Variants in ZNF724 observed in about 807,000 individuals in gnomAD.
The protein encoded by ZNF724 is zinc finger protein 724.
In ZNF724, 14 loss-of-function variants were observed where a neutral mutation model predicts 29.3. That is an observed-to-expected ratio of 0.48 (90% CI 0.32 to 0.75). The LOEUF is 0.75. Among genes scored for constraint, ZNF724 ranks in the 30% least tolerant of loss-of-function variants. The pLI is 0.04. For missense variants in ZNF724, 557 were observed against 571.2 expected, an observed-to-expected ratio of 0.98 and a Z score of 0.25; for synonymous variants, 180 against 193.6, an observed-to-expected ratio of 0.93 and a Z score of 0.58.
At chr19:23,249,801 T>C (rs1174117560) in intron 1 of ZNF724, among the ~76,000 whole-genome samples, 1 of 152,196 alleles carries the variant, frequency 6.6e-6, no homozygotes, top group African/African-American at 2.4e-5. Context: ...CTCGAAGTGC[T>C]GGGATTACAG....
intron 1 of ZNF724, among the ~76,000 whole-genome samples, chr19:23,243,626 AC>A (rs755827111): frequency 3.9e-5 from 6 of 151,968 alleles, no homozygotes; most frequent in Non-Finnish European, 5.9e-5. Context: ...GGTTGGCAGG[AC>A]AAAGACCTGT....
intron 1 of ZNF724, among the ~76,000 whole-genome samples, chr19:23,246,711 G>A (rs978289385): frequency 1.3e-5 from 2 of 151,772 alleles, no homozygotes; most frequent in African/African-American, 4.8e-5. Context: ...ACAGGATATA[G>A]AACAGAGATA....
chr19:23,238,763 C>T (rs1046302511), intron 1 of ZNF724, among the ~76,000 whole-genome samples: 1 of 152,114 alleles, frequency 6.6e-6, no homozygotes, highest in East Asian at 1.9e-4. Flanking sequence ...AAAAAATTAG[C>T]CGGGCGTGGT....
chr19:23,231,619 T>C (rs1033728430), intron 2 of ZNF724, among the ~76,000 whole-genome samples: 1 of 152,170 alleles, frequency 6.6e-6, no homozygotes, highest in East Asian at 1.9e-4. Context: ...TTTCTGGAAT[T>C]ACCACTAATT....
chr19:23,227,567 AAAAC>A (rs1971858501), intron 3 of ZNF724, among the ~76,000 whole-genome samples: 1 of 110,454 alleles, frequency 9.1e-6, no homozygotes. Flanking sequence ...AAAAAAAAAA[AAAAC>A]AAAAAAAAAC....
chr19:23,238,575 T>C (rs998489476), intron 1 of ZNF724, among the ~76,000 whole-genome samples: 1 of 152,096 alleles, frequency 6.6e-6, no homozygotes, highest in Non-Finnish European at 1.5e-5. Flanking sequence ...TTTTATAAGG[T>C]AAGAAAATAA....
intron 1 of ZNF724, among the ~76,000 whole-genome samples, chr19:23,240,800 G>T (rs183837666): frequency 1.4e-3 from 206 of 151,110 alleles, no homozygotes; most frequent in Middle Eastern, 7.0e-3. Flanking sequence ...GGGAGGCCGA[G>T]GCAGGTGGAT....
Position 23,223,075 on chromosome 19 carries a change from T to G in ZNF724, c.1170A>C (p.Gly390=), listed in dbSNP as rs537939769. The G allele has an allele frequency of 3.1e-6, 4 of 1,279,186 alleles. No individual in the cohort carries two copies. The highest frequency in any genetic ancestry group is 1.8e-4 in the Middle Eastern group (1 of 5,408). 79.2% of individuals were successfully genotyped at this position (1,279,186 alleles called of 1,614,324 possible). A position where few individuals can be genotyped will look rare whatever the true frequency, so the allele number is the denominator to read the frequency against. The part of the protein sequence containing the change: ...TLTQHKRIHT[G]EKPYKCEECG... ...ATTCTTCACATTTGTATGGTTTTTCTCCAGTATGAATTCTCTTATGTTGAG... is the reference window on the plus strand; with the variant it reads ...ATTCTTCACATTTGTATGGTTTTTCGCCAGTATGAATTCTCTTATGTTGAG... Residue 390 remains glycine (G), a synonymous_variant, in exon 4 of 4, where the codon GGA becomes GGC. Coordinates refer to ENST00000418100, the MANE Select transcript of ZNF724 (RefSeq NM_001355404.2).
chr19:23,231,903 T>C (rs189651408), intron 2 of ZNF724, among the ~76,000 whole-genome samples: 2 of 152,190 alleles, frequency 1.3e-5, no homozygotes, highest in East Asian at 1.9e-4. Flanking sequence ...CTGGCTAATT[T>C]TTTTATTTTT....
intron 1 of ZNF724, among the ~76,000 whole-genome samples, chr19:23,244,295 T>C (rs1177279061): frequency 6.6e-6 from 1 of 152,052 alleles, no homozygotes; most frequent in Non-Finnish European, 1.5e-5. Flanking sequence ...TTTTGAAGGA[T>C]TTTTGCAAGA....
At chr19:23,233,491 T>C (rs1381301090) in intron 1 of ZNF724, among the ~76,000 whole-genome samples, 1 of 152,146 alleles carries the variant, frequency 6.6e-6, no homozygotes, top group Non-Finnish European at 1.5e-5. Flanking sequence ...ATAGTAATCT[T>C]GAGTATCCAC....
chr19:23,240,691 G>T (rs112503554), intron 1 of ZNF724, among the ~76,000 whole-genome samples: 2,130 of 143,544 alleles, frequency 0.015, 50 homozygotes, highest in African/African-American at 0.051. Flanking sequence ...CCGCACTCCA[G>T]CCTAGGTGAC....
intron 3 of ZNF724, among the ~76,000 whole-genome samples, chr19:23,226,192 C>T (rs536050467): frequency 6.6e-6 from 1 of 152,102 alleles, no homozygotes; most frequent in East Asian, 1.9e-4. Context: ...GCTGGGACTA[C>T]AGGCGCCCTC....
At chr19:23,240,797 C>T (rs1415423081) in intron 1 of ZNF724, among the ~76,000 whole-genome samples, 1 of 150,742 alleles carries the variant, frequency 6.6e-6, no homozygotes, top group Non-Finnish European at 1.5e-5. Flanking sequence ...TTTGGGAGGC[C>T]GAGGCAGGTG....
intron 3 of ZNF724, among the ~76,000 whole-genome samples, chr19:23,224,711 T>G (rs577797736): frequency 2.3e-5 from 1 of 42,826 alleles, no homozygotes; most frequent in South Asian, 1.5e-3. Flanking sequence ...ATCCCAACAC[T>G]TTGGCGTGCC....
At chr19:23,226,926 A>C (rs942553083) in intron 3 of ZNF724, among the ~76,000 whole-genome samples, 3 of 152,180 alleles carry the variant, frequency 2.0e-5, no homozygotes, top group Admixed American at 6.6e-5. Context: ...GATTCATTTT[A>C]AGAAACCAAC....
Position 23,223,330 on chromosome 19 carries a change from A to C in ZNF724, c.915T>G (p.Ala305=), listed in dbSNP as rs2145768355. ...STLTRHKIIH[A]GEKPYICEHC... Reference sequence around the variant, plus strand: ...GTTCACATATGTAGGGCTTCTCTCCAGCATGAATTATCTTATGTCTAGTAA... The same window carrying C: ...GTTCACATATGTAGGGCTTCTCTCCCGCATGAATTATCTTATGTCTAGTAA... The change falls in exon 4 of 4, where the codon GCT becomes GCG. Residue 305 remains alanine (A), a synonymous_variant. Coordinates refer to ENST00000418100, the MANE Select transcript of ZNF724 (RefSeq NM_001355404.2). The C allele has an allele frequency of 1.3e-6, 1 of 769,212 alleles. No homozygotes were observed. Among genetic ancestry groups the C allele is most frequent in the East Asian group, 2.5e-5 (1 of 40,510 alleles). The allele number at this position is 769,212 out of a possible 1,614,324, so 47.6% of individuals were successfully genotyped here. A position where few individuals can be genotyped will look rare whatever the true frequency, so the allele number is the denominator to read the frequency against.
intron 3 of ZNF724, among the ~76,000 whole-genome samples, chr19:23,224,489 A>G (rs1375520299): frequency 2.0e-5 from 3 of 152,224 alleles, no homozygotes; most frequent in African/African-American, 7.2e-5. Flanking sequence ...ATATAAATAT[A>G]AGAAAAATAC....
At chr19:23,227,312 T>TGG (rs1053911419) in intron 3 of ZNF724, among the ~76,000 whole-genome samples, 1 of 152,088 alleles carries the variant, frequency 6.6e-6, no homozygotes, top group African/African-American at 2.4e-5. Context: ...CCCAGCACTT[T>TGG]GGGAGGCCAA....
Sources: gnomAD v4.1 joint callset for allele counts (sites outside exome capture counted in the v4.1 genomes callset) on GRCh38, gnomAD v4.1.1 for gene constraint, MANE v1.5 for transcripts, NCBI Gene and HGNC (gene_info 2026-07-23, HGNC 2026-07-21) for gene names.